The following RAB3C variants were observed in gnomAD, a reference collection of about 807,000 sequenced individuals.
The protein encoded by RAB3C is RAB3C, member RAS oncogene family, also known as ras-related protein Rab-3C.
In RAB3C, 17 loss-of-function variants were observed where a neutral mutation model predicts 26.4. The observed-to-expected ratio is 0.64, with a 90% CI of 0.44 to 0.97. The LOEUF (loss-of-function observed/expected upper bound fraction) is 0.97. Ranked by LOEUF, RAB3C falls within the 50% of genes least tolerant of loss-of-function variation. The probability of loss-of-function intolerance (pLI) is 0.00; values close to 1 mark genes in which losing one functional copy is unlikely to be tolerated. For missense variants in RAB3C, 242 were observed against 281.9 expected (o/e 0.86, Z 1.01); for synonymous variants, 91 against 95.9 (o/e 0.95, Z 0.30).
intron 1 of RAB3C, among the ~76,000 whole-genome samples, chr5:58,597,046 AAT>A (rs1212943989): frequency 4.3e-4 from 14 of 32,818 alleles, no homozygotes; most frequent in African/African-American, 5.7e-4. Context: ...TATATTATAT[AAT>A]ATATATAATA....
Position 58,852,558 on chromosome 5 carries a change from C to G in RAB3C, c.*1207C>G, listed in dbSNP as rs1301831956. 1.3e-5 allele frequency: 2 copies of G among 152,164 alleles called. No homozygotes were observed. The highest frequency in any genetic ancestry group is 4.8e-5 in the African/African-American group (2 of 41,436). The allele number at this position is 152,164 out of a possible 1,614,324, so 9.4% of individuals were successfully genotyped here. On this transcript the variant is annotated 3_prime_UTR_variant, in exon 5 of 5. Coordinates refer to ENST00000282878, the MANE Select transcript of RAB3C (RefSeq NM_138453.4). ...ATGCTTAAGTTACACAGGAAACATT[C>G]TATAACTGTAGTATTTCAATTTCAG...
chr5:58,753,526 T>C (rs1019221182), intron 3 of RAB3C, among the ~76,000 whole-genome samples: 2 of 152,120 alleles, frequency 1.3e-5, no homozygotes, highest in African/African-American at 4.8e-5. Flanking sequence ...CCCTCAATTA[T>C]AGTAGTCTTT....
At chr5:58,779,338 T>TTA (rs925809820) in intron 3 of RAB3C, among the ~76,000 whole-genome samples, 5 of 148,304 alleles carry the variant, frequency 3.4e-5, no homozygotes, top group East Asian at 3.9e-4. Context: ...CATATATAAT[T>TTA]TATATATATA....
intron 3 of RAB3C, among the ~76,000 whole-genome samples, chr5:58,786,970 C>T (rs1223271760): frequency 6.6e-6 from 1 of 151,996 alleles, no homozygotes; most frequent in African/African-American, 2.4e-5. Flanking sequence ...GCACAAGAGG[C>T]TCCGAGATAA....
intron 3 of RAB3C, among the ~76,000 whole-genome samples, chr5:58,753,538 G>T (rs757113299): frequency 2.6e-5 from 4 of 151,974 alleles, no homozygotes; most frequent in African/African-American, 9.7e-5. Flanking sequence ...GTAGTCTTTC[G>T]AGTCAAAAAG....
intron 2 of RAB3C, among the ~76,000 whole-genome samples, chr5:58,709,399 C>T (rs293017): frequency 0.35 from 53,613 of 152,010 alleles, 9,892 homozygotes; most frequent in East Asian, 0.41. Flanking sequence ...TCCACAGAGG[C>T]GAGTCCACAA....
At chr5:58,766,493 G>A (rs922974456) in intron 3 of RAB3C, among the ~76,000 whole-genome samples, 1 of 152,170 alleles carries the variant, frequency 6.6e-6, no homozygotes, top group Non-Finnish European at 1.5e-5. Flanking sequence ...GTATGTCCAC[G>A]ACAGAAGTTC....
intron 1 of RAB3C, among the ~76,000 whole-genome samples, chr5:58,612,659 C>A (rs145980983): frequency 6.7e-4 from 101 of 150,896 alleles, no homozygotes; most frequent in African/African-American, 2.4e-3. Context: ...GTGATTTTTG[C>A]GCATTAATAT....
chr5:58,629,187 A>G (rs1747135811), intron 2 of RAB3C, among the ~76,000 whole-genome samples: 1 of 151,786 alleles, frequency 6.6e-6, no homozygotes, highest in Non-Finnish European at 1.5e-5. Flanking sequence ...TTTTTGTTGG[A>G]GATGGCAATC....
At chr5:58,836,631 C>A (rs1220747597) in intron 4 of RAB3C, among the ~76,000 whole-genome samples, 1 of 151,878 alleles carries the variant, frequency 6.6e-6, no homozygotes, top group Non-Finnish European at 1.5e-5. Flanking sequence ...TGAAAATATG[C>A]ACTGCTTAAC....
chr5:58,722,371 G>T (rs1427350878), intron 2 of RAB3C, among the ~76,000 whole-genome samples: 3 of 151,282 alleles, frequency 2.0e-5, no homozygotes, highest in Non-Finnish European at 4.4e-5. Flanking sequence ...AAGGCAGCAG[G>T]CATGGGGTCC....
intron 2 of RAB3C, among the ~76,000 whole-genome samples, chr5:58,660,606 A>G (rs1747885197): frequency 6.7e-6 from 1 of 150,328 alleles, no homozygotes; most frequent in Admixed American, 6.6e-5. Context: ...ATCAGATGAG[A>G]GAAGGAGCCC....
At chr5:58,642,001 C>T (rs1215080313) in intron 2 of RAB3C, among the ~76,000 whole-genome samples, 1 of 152,152 alleles carries the variant, frequency 6.6e-6, no homozygotes, top group Non-Finnish European at 1.5e-5. Context: ...CCTCAGTTCT[C>T]CTCTAGAAAA....
At chr5:58,764,327 C>CT (rs1741854531) in intron 3 of RAB3C, among the ~76,000 whole-genome samples, 1 of 152,294 alleles carries the variant, frequency 6.6e-6, no homozygotes, top group East Asian at 1.9e-4. Context: ...TGACGATGTA[C>CT]TCAGCTGGGC....
chr5:58,666,064 G>C (rs757239619), intron 2 of RAB3C, among the ~76,000 whole-genome samples: 1 of 152,146 alleles, frequency 6.6e-6, no homozygotes, highest in Non-Finnish European at 1.5e-5. Flanking sequence ...ATAGATTTCT[G>C]TGAATAGATG....
chr5:58,814,650 A>G (rs1253269963), intron 3 of RAB3C: 2 of 152,194 alleles, frequency 1.3e-5, no homozygotes, highest in African/African-American at 4.8e-5. Context: ...TGAGCTGAGG[A>G]ACGTCTTACC....
At chr5:58,671,300 A>T (rs897569785) in intron 2 of RAB3C, among the ~76,000 whole-genome samples, 2 of 152,172 alleles carry the variant, frequency 1.3e-5, no homozygotes, top group African/African-American at 4.8e-5. Flanking sequence ...ATATGAAAAA[A>T]ACCTGCAGAT....
intron 3 of RAB3C, among the ~76,000 whole-genome samples, chr5:58,749,774 TATTA>T (rs1335989932): frequency 6.6e-6 from 1 of 152,202 alleles, no homozygotes; most frequent in Non-Finnish European, 1.5e-5. Flanking sequence ...TTAACTTTGT[TATTA>T]ATTTTTTTGT....
intron 2 of RAB3C, among the ~76,000 whole-genome samples, chr5:58,686,358 G>A (rs1318586904): frequency 1.3e-5 from 2 of 151,996 alleles, no homozygotes; most frequent in Non-Finnish European, 1.5e-5. Context: ...GTATTATTTC[G>A]TATTCTTCAG....
Sources: gnomAD v4.1 joint callset for allele counts (sites outside exome capture counted in the v4.1 genomes callset) on GRCh38, gnomAD v4.1.1 for gene constraint, MANE v1.5 for transcripts, NCBI Gene and HGNC (gene_info 2026-07-23, HGNC 2026-07-21) for gene names.